PPP1R9A: variants seen among roughly 807,000 people sequenced by gnomAD.
PPP1R9A encodes the protein neurabin-1.
A neutral mutation model predicts 141.9 loss-of-function variants in PPP1R9A; 59 were observed. The ratio of observed to expected loss-of-function variants is 0.42; its 90% confidence interval spans 0.34 to 0.52. PPP1R9A has a LOEUF of 0.52. PPP1R9A is among the 20% of genes least tolerant of loss of function. The pLI, the probability that PPP1R9A is intolerant of heterozygous loss-of-function variation, is 0.10. For missense variants in PPP1R9A, 1,444 were observed against 1,611.9 expected (o/e 0.90, Z 1.78); for synonymous variants, 500 against 569.7 (o/e 0.88, Z 1.74).
chr7:95,161,917 G>A lies in PPP1R9A; in HGVS notation c.1700G>A (p.Gly567Asp). 6.2e-7 allele frequency: 1 copy of A among 1,611,244 alleles called. No homozygotes were observed. Among genetic ancestry groups the A allele is most frequent in the African/African-American group, 1.3e-5 (1 of 74,966 alleles). ...GAAGTGGATGGAATCAGCTTGGTGGGTGTGACACAGAATTTTGCAGCAACA... is the reference window on the plus strand; with the variant it reads ...GAAGTGGATGGAATCAGCTTGGTGGATGTGACACAGAATTTTGCAGCAACA... Reference protein sequence around the residue: ...IVEVDGISLVGVTQNFAATVL... With the variant: ...IVEVDGISLVDVTQNFAATVL... The change falls in exon 5 of 20, where the codon GGT becomes GAT. Residue 567 changes from glycine (G) to aspartate (D), a missense_variant. Around this residue, in one of 5 missense-constraint regions of PPP1R9A, gnomAD observed 488 missense variants for 542.0 expected, o/e 0.90. Coordinates refer to ENST00000433360, the MANE Select transcript of PPP1R9A (RefSeq NM_001166160.2).
intron 2 of PPP1R9A, among the ~76,000 whole-genome samples, chr7:94,999,434 T>G (rs1382214786): frequency 2.6e-5 from 4 of 152,224 alleles, no homozygotes; most frequent in Non-Finnish European, 5.9e-5. Context: ...GTTCATCTCT[T>G]CAGTCTACTG....
At chr7:94,970,922 G>GT (rs1798792322) in intron 2 of PPP1R9A, among the ~76,000 whole-genome samples, 1 of 152,032 alleles carries the variant, frequency 6.6e-6, no homozygotes, top group Non-Finnish European at 1.5e-5. Context: ...TTCTTACATA[G>GT]TAAGTGGAAG....
chr7:94,958,772 C>T (rs1272367217), intron 2 of PPP1R9A, among the ~76,000 whole-genome samples: 6 of 151,940 alleles, frequency 3.9e-5, no homozygotes, highest in Admixed American at 1.3e-4. Context: ...AAATCCCAGA[C>T]TGTATAAACA....
At chr7:95,028,097 C>T (rs1807147299) in intron 2 of PPP1R9A, among the ~76,000 whole-genome samples, 1 of 152,138 alleles carries the variant, frequency 6.6e-6, no homozygotes, top group South Asian at 2.1e-4. Flanking sequence ...TCTCATATCA[C>T]CAAAGGTTCT....
chr7:94,956,093 A>G (rs1006653806), intron 2 of PPP1R9A, among the ~76,000 whole-genome samples: 1 of 152,034 alleles, frequency 6.6e-6, no homozygotes, highest in African/African-American at 2.4e-5. Flanking sequence ...GATTTTTTTC[A>G]TCAGTGATGC....
chr7:95,151,541 T>C (rs1828672307), intron 4 of PPP1R9A, among the ~76,000 whole-genome samples: 1 of 152,114 alleles, frequency 6.6e-6, no homozygotes, highest in East Asian at 1.9e-4. Context: ...ACTATAATGG[T>C]GGATACATGT....
intron 4 of PPP1R9A, chr7:95,156,330 G>C (rs993716002): frequency 6.6e-6 from 1 of 152,284 alleles, no homozygotes; most frequent in African/African-American, 2.4e-5. Context: ...GGCACCACAG[G>C]ACCCCAAAGA....
chr7:95,287,277 A>G, intron 18 of PPP1R9A: 1 of 1,041,390 alleles, frequency 9.6e-7, no homozygotes, highest in East Asian at 2.4e-5. Flanking sequence ...AAATAGCTTT[A>G]CTCTCTGCCT....
chr7:95,258,656 T>TA, intron 12 of PPP1R9A, among the ~76,000 whole-genome samples: 1 of 152,106 alleles, frequency 6.6e-6, no homozygotes, highest in East Asian at 1.9e-4. Context: ...AGAACTCACA[T>TA]AAATCATAAG....
At position 95,106,554 on chromosome 7, in the gene PPP1R9A, A is replaced by G. The variant is rs147832321; in HGVS notation, c.1396-4705A>G. ...TATTTGTATATATCATGATTTAGCA[A>G]GCCATTTTCTCTACTGGTGGACAAT... On this transcript the variant is annotated intron_variant, in intron 2 of 19. Coordinates refer to ENST00000433360, the MANE Select transcript of PPP1R9A (RefSeq NM_001166160.2). Among the ~76,000 whole-genome samples, 602 of 152,242 alleles carry G rather than the reference A, an allele frequency of 4.0e-3. 3 individuals carry two copies. Among genetic ancestry groups the G allele is most frequent in the South Asian group, 0.024 (116 of 4,820 alleles).
At chr7:95,264,416 A>C (rs1032634696) in intron 12 of PPP1R9A, among the ~76,000 whole-genome samples, 2 of 152,132 alleles carry the variant, frequency 1.3e-5, no homozygotes, top group Non-Finnish European at 2.9e-5. Flanking sequence ...GCAGCATTCC[A>C]CTTACGTCAA....
rs762531067 is a variant in PPP1R9A, at chr7:95,083,473, T to G, written c.1396-27786T>G. On this transcript the variant is annotated intron_variant, in intron 2 of 19. Coordinates refer to ENST00000433360, the MANE Select transcript of PPP1R9A (RefSeq NM_001166160.2). ...AGGAGGGGAAGGTTCAAGTGGCCTC[T>G]TGCTTCTGCTGTTTCCTCAACTTCC... 3.2e-4 allele frequency among the ~76,000 whole-genome samples: 48 copies of G among 151,920 alleles called. 2 individuals are homozygous for G. Among genetic ancestry groups the G allele is most frequent in the Non-Finnish European group, 5.9e-4 (40 of 68,022 alleles).
chr7:95,219,410 T>C (rs966263492), intron 7 of PPP1R9A, among the ~76,000 whole-genome samples: 1 of 152,176 alleles, frequency 6.6e-6, no homozygotes, highest in Non-Finnish European at 1.5e-5. Context: ...CATTTTTTCC[T>C]TCATTTCAAC....
At chr7:95,001,858 CA>C (rs920525078) in intron 2 of PPP1R9A, among the ~76,000 whole-genome samples, 6 of 151,658 alleles carry the variant, frequency 4.0e-5, no homozygotes, top group African/African-American at 1.2e-4. Context: ...AACAAACAAA[CA>C]AAAAAAACAC....
At chr7:94,959,906 G>A (rs1797436160) in intron 2 of PPP1R9A, among the ~76,000 whole-genome samples, 1 of 151,540 alleles carries the variant, frequency 6.6e-6, no homozygotes, top group African/African-American at 2.4e-5. Flanking sequence ...ATTATTTGAG[G>A]CTGCGTGAAG....
chr7:95,217,326 T>C (rs1443013038), intron 7 of PPP1R9A, among the ~76,000 whole-genome samples: 1 of 152,322 alleles, frequency 6.6e-6, no homozygotes, highest in East Asian at 1.9e-4. Context: ...GCCCACTTGA[T>C]CATGGTGGAT....
intron 8 of PPP1R9A, among the ~76,000 whole-genome samples, chr7:95,239,319 G>A (rs1460229287): frequency 6.6e-6 from 1 of 152,038 alleles, no homozygotes; most frequent in African/African-American, 2.4e-5. Flanking sequence ...TATTCTTACT[G>A]CTACTTTTGT....
At chr7:95,287,357 C>T (rs934503545) in intron 18 of PPP1R9A, among the ~76,000 whole-genome samples, 4 of 152,164 alleles carry the variant, frequency 2.6e-5, no homozygotes, top group East Asian at 1.9e-4. Context: ...CAGAGTTCCT[C>T]GATTTCTCTT....
chr7:95,261,540 T>A (rs1440534604), intron 12 of PPP1R9A, among the ~76,000 whole-genome samples: 4 of 152,142 alleles, frequency 2.6e-5, no homozygotes, highest in Non-Finnish European at 4.4e-5. Flanking sequence ...TTTTGAACAT[T>A]GAAAAGGTCA....
Sources: allele counts gnomAD v4.1 joint callset (sites outside exome capture counted in the v4.1 genomes callset), GRCh38; gene constraint gnomAD v4.1.1; regional missense constraint gnomAD v4.1.1; transcripts MANE v1.5; gene names NCBI Gene and HGNC (gene_info 2026-07-23, HGNC 2026-07-21).